SYNE2: variants seen among roughly 807,000 people sequenced by gnomAD.
SYNE2 encodes spectrin repeat containing nuclear envelope protein 2, also known as nesprin-2.
In SYNE2, 431 loss-of-function variants were observed where a neutral mutation model predicts 856.3. The observed-to-expected ratio is 0.50, with a 90% CI of 0.47 to 0.55. SYNE2 has a LOEUF of 0.55. Ranked by LOEUF, SYNE2 falls within the 20% of genes least tolerant of loss-of-function variation. SYNE2 has a pLI of 0.00. For synonymous variants in SYNE2, 2,923 were observed against 2,872.3 expected, an observed-to-expected ratio of 1.02 and a Z score of -0.56; for missense variants, 8,129 against 8,023.2, an observed-to-expected ratio of 1.01 and a Z score of -0.50.
At chr14:63,941,186 G>T (rs377442689) in intron 3 of SYNE2, among the ~76,000 whole-genome samples, 2 of 152,166 alleles carry the variant, frequency 1.3e-5, no homozygotes, top group African/African-American at 2.4e-5. Context: ...AGACAGTCTG[G>T]ACTCAGTGGC....
At chr14:64,207,311 A>AC (rs1474528179) in intron 100 of SYNE2, among the ~76,000 whole-genome samples, 1 of 152,146 alleles carries the variant, frequency 6.6e-6, no homozygotes, top group Non-Finnish European at 1.5e-5. Context: ...GTGGTGGCTC[A>AC]CCCCTGTAAT....
At chr14:64,119,680 G>T in intron 67 of SYNE2, 71 bp downstream of exon 67, 1 of 1,527,226 alleles carries the variant, frequency 6.5e-7, no homozygotes, top group Non-Finnish European at 9.0e-7. Flanking sequence ...AGAGAACTCT[G>T]GTTGGAAGTG....
At chr14:63,882,644 G>T (rs553727763) in intron 1 of SYNE2, among the ~76,000 whole-genome samples, 1 of 152,240 alleles carries the variant, frequency 6.6e-6, no homozygotes, top group African/African-American at 2.4e-5. Context: ...AGGATTGGTT[G>T]CGTCTGGGAT....
At position 64,070,818 on chromosome 14, in the gene SYNE2, C is replaced by T; in HGVS notation, c.10605C>T (p.Ile3535=). ...QLLLTLLLQR[I]RSIQNVPESS... The stretch of plus-strand genomic sequence containing the variant: ...TACTGACTCTACTTCTTCAGCGCAT[C>T]AGAAGTATCCAGAATGTTCCTGAAA... Residue 3535 remains isoleucine (I), a synonymous_variant, in exon 52 of 116, where the codon ATC becomes ATT. Coordinates refer to ENST00000555002, the MANE Select transcript of SYNE2 (RefSeq NM_182914.3). 1 of 1,614,188 alleles carries T rather than the reference C, an allele frequency of 6.2e-7. No individual in the cohort carries two copies. Among genetic ancestry groups the T allele is most frequent in the Non-Finnish European group, 8.5e-7 (1 of 1,180,018 alleles).
At chr14:63,868,450 G>C (rs1448718643) in intron 1 of SYNE2, among the ~76,000 whole-genome samples, 1 of 150,980 alleles carries the variant, frequency 6.6e-6, no homozygotes, top group African/African-American at 2.4e-5. Flanking sequence ...ACTCGAGCCT[G>C]GACAGCAGAG....
At chr14:64,182,913 C>T (rs1596045670) in intron 96 of SYNE2, among the ~76,000 whole-genome samples, 3 of 152,228 alleles carry the variant, frequency 2.0e-5, no homozygotes, top group South Asian at 2.1e-4. Flanking sequence ...ACCTCCTAGA[C>T]GGGGTGACGG....
chr14:64,174,489 A>G (rs1044437970), intron 94 of SYNE2, among the ~76,000 whole-genome samples: 1 of 152,232 alleles, frequency 6.6e-6, no homozygotes, highest in Non-Finnish European at 1.5e-5. Context: ...ATGTGCTCAT[A>G]AAAAGCTTAA....
intron 43 of SYNE2, among the ~76,000 whole-genome samples, chr14:64,028,613 G>T (rs998167065): frequency 1.3e-5 from 2 of 151,984 alleles, no homozygotes; most frequent in Non-Finnish European, 2.9e-5. Flanking sequence ...AATAAATCCA[G>T]CTCATTTTGC....
chr14:64,093,406 T>C lies in SYNE2; in HGVS notation c.12034T>C (p.Leu4012=), dbSNP rs193034608. Residue 4012 remains leucine (L), a synonymous_variant, in exon 61 of 116, where the codon TTA becomes CTA. Coordinates refer to ENST00000555002, the MANE Select transcript of SYNE2 (RefSeq NM_182914.3). ...DEEIENLKQI[L]NNYSAQFSLE... ...AGAAATAGAAAATTTGAAACAGATC[T>C]TAAATAATTATTCAGCTCAGTTCTC... is the stretch of plus-strand genomic sequence containing the variant. The C allele has an allele frequency of 1.2e-6, 2 of 1,614,146 alleles. No homozygotes were observed. Among genetic ancestry groups the C allele is most frequent in the African/African-American group, 1.3e-5 (1 of 75,060 alleles).
At chr14:64,093,061 C>T (rs2097642505) in intron 60 of SYNE2, among the ~76,000 whole-genome samples, 1 of 151,476 alleles carries the variant, frequency 6.6e-6, no homozygotes, top group South Asian at 2.1e-4. Context: ...AAATGCTTTC[C>T]AGAATAAACC....
At position 64,220,484 on chromosome 14, in the gene SYNE2, C is replaced by G; in HGVS notation, c.19908C>G (p.Val6636=). Residue 6636 remains valine, a synonymous_variant, in exon 111 of 116, where the codon GTC becomes GTG. Transcript: ENST00000555002. ...CTTACAAGGCATTAGTGGTCTCTGT[C>G]AACGTGAGCAGCAAGGAATTTCTGC... is the stretch of plus-strand genomic sequence containing the variant. ...FDTYKALVVS[V]NVSSKEFLQT... is the part of the protein sequence containing the mutation. 1 of 1,614,208 alleles carries G rather than the reference C, an allele frequency of 6.2e-7. No homozygotes were observed.
intron 1 of SYNE2, among the ~76,000 whole-genome samples, chr14:63,763,963 A>C (rs538300863): frequency 6.6e-6 from 1 of 152,312 alleles, no homozygotes; most frequent in East Asian, 1.9e-4. Context: ...GGAGTGAACC[A>C]CTGCACCTGG....
intron 100 of SYNE2, among the ~76,000 whole-genome samples, chr14:64,204,111 C>T (rs1327765376): frequency 6.6e-6 from 1 of 152,162 alleles, no homozygotes; most frequent in Non-Finnish European, 1.5e-5. Context: ...AGTAATGCTA[C>T]AAATTAAAAA....
chr14:63,950,465 G>A (rs920942028), intron 7 of SYNE2, among the ~76,000 whole-genome samples: 7 of 152,158 alleles, frequency 4.6e-5, no homozygotes, highest in Non-Finnish European at 1.0e-4. Flanking sequence ...TGAGGCAGGA[G>A]AATCGCTTGA....
intron 1 of SYNE2, among the ~76,000 whole-genome samples, chr14:63,797,518 T>A (rs1366325230): frequency 6.6e-6 from 1 of 151,788 alleles, no homozygotes; most frequent in Non-Finnish European, 1.5e-5. Context: ...ACCTGCTCAC[T>A]GCAACCTCCA....
intron 1 of SYNE2, among the ~76,000 whole-genome samples, chr14:63,786,128 T>TA (rs778445997): frequency 1.3e-5 from 2 of 152,108 alleles, no homozygotes; most frequent in African/African-American, 2.4e-5. Context: ...TGTGTGCCTG[T>TA]AATCCCAGCT....
chr14:63,867,019 T>C (rs189112176), intron 1 of SYNE2, among the ~76,000 whole-genome samples: 51 of 152,338 alleles, frequency 3.3e-4, no homozygotes, highest in Non-Finnish European at 7.3e-5. Flanking sequence ...ACACTTTACA[T>C]GCACCATCTC....
intron 95 of SYNE2, 69 bp from the exon 96 acceptor site, chr14:64,177,289 G>C (rs901800836): frequency 1.9e-6 from 3 of 1,564,090 alleles, no homozygotes; most frequent in Non-Finnish European, 2.6e-6. Flanking sequence ...GATTAAATGA[G>C]CTATTCTATT....
rs10148617 is a variant in SYNE2, at chr14:64,139,392, A to G, written c.14844-549A>G. ...TGTAATAAGAAATAAAGAATGCTTT[A>G]GACTTCCTCATTATTATTATTATTT... On this transcript the variant is annotated intron_variant, in intron 79 of 115. Coordinates refer to ENST00000555002, the MANE Select transcript of SYNE2 (RefSeq NM_182914.3). 5.8e-3 allele frequency among the ~76,000 whole-genome samples: 878 copies of G among 151,338 alleles called. 8 individuals are homozygous for G. The highest frequency in any genetic ancestry group is 0.02 in the African/African-American group (842 of 41,128).
Sources: allele counts gnomAD v4.1 joint callset (sites outside exome capture counted in the v4.1 genomes callset), GRCh38; gene constraint gnomAD v4.1.1; transcripts MANE v1.5; gene names NCBI Gene and HGNC (gene_info 2026-07-23, HGNC 2026-07-21).